MRTFA: variants seen among roughly 807,000 people sequenced by gnomAD.
MRTFA encodes myocardin related transcription factor A.
MRTFA carries 20 observed loss-of-function variants against 83.5 expected under a neutral mutation model. The observed-to-expected ratio is 0.24, with a 90% CI of 0.17 to 0.35. The LOEUF (loss-of-function observed/expected upper bound fraction) is 0.35, where lower values mean the gene tolerates loss of function less well. Ranked by LOEUF, MRTFA falls within the 10% of genes least tolerant of loss-of-function variation. The pLI, the probability that MRTFA is intolerant of heterozygous loss-of-function variation, is 1.00. For synonymous variants in MRTFA, 659 were observed against 541.2 expected (o/e 1.22, Z -3.02); for missense variants, 1,200 against 1,224.7 (o/e 0.98, Z 0.30).
At chr22:40,480,257 C>T (rs888934985) in intron 3 of MRTFA, among the ~76,000 whole-genome samples, 1 of 151,916 alleles carries the variant, frequency 6.6e-6, no homozygotes, top group African/African-American at 2.4e-5. Flanking sequence ...TAAAACACAC[C>T]AGTTCTCTGT....
At chr22:40,564,634 A>G (rs948965370) in intron 2 of MRTFA, among the ~76,000 whole-genome samples, 1 of 152,054 alleles carries the variant, frequency 6.6e-6, no homozygotes. Flanking sequence ...TAATGCTGTA[A>G]CTTTATTTTA....
At chr22:40,554,805 G>A (rs1025340028) in intron 2 of MRTFA, among the ~76,000 whole-genome samples, 20 of 152,174 alleles carry the variant, frequency 1.3e-4, no homozygotes, top group African/African-American at 4.6e-4. Flanking sequence ...CCAGACCCCC[G>A]AATGGTAGAG....
intron 3 of MRTFA, among the ~76,000 whole-genome samples, chr22:40,470,276 T>TATATATATATATATAA (rs1164339704): frequency 1.0e-5 from 1 of 99,290 alleles, no homozygotes; most frequent in Non-Finnish European, 2.1e-5. Flanking sequence ...TATATATATA[T>TATATATATATATATAA]ATATAAAGAA....
At chr22:40,427,567 C>T (rs1159062195) in intron 7 of MRTFA, among the ~76,000 whole-genome samples, 1 of 152,170 alleles carries the variant, frequency 6.6e-6, no homozygotes, top group Admixed American at 6.5e-5. Context: ...CTTGGGCCCA[C>T]TGCAGCGAAG....
chr22:40,636,033 A>C (rs1312476295), intron 1 of MRTFA, among the ~76,000 whole-genome samples: 3 of 152,182 alleles, frequency 2.0e-5, no homozygotes, highest in Non-Finnish European at 4.4e-5. Context: ...GGTTTGCTAT[A>C]CTGGCACCAA....
At chr22:40,586,728 G>A (rs2147369139) in intron 2 of MRTFA, 1 of 284,822 alleles carries the variant, frequency 3.5e-6, no homozygotes, top group Non-Finnish European at 6.8e-6. Flanking sequence ...TTCCTCTGTG[G>A]TAGGTTTTTT....
At chr22:40,550,822 A>C (rs1005091248) in intron 3 of MRTFA, among the ~76,000 whole-genome samples, 3 of 150,204 alleles carry the variant, frequency 2.0e-5, no homozygotes, top group Non-Finnish European at 3.0e-5. Context: ...ACAATTTTCT[A>C]TATTGTTCTT....
intron 2 of MRTFA, chr22:40,587,135 T>C (rs2056042911): frequency 4.4e-6 from 2 of 457,184 alleles, no homozygotes; most frequent in Non-Finnish European, 8.9e-6. Context: ...TCTGGGCTTT[T>C]CAAGATTCTG....
At chr22:40,612,539 C>A (rs796993548) in intron 1 of MRTFA, among the ~76,000 whole-genome samples, 7 of 152,212 alleles carry the variant, frequency 4.6e-5, no homozygotes, top group African/African-American at 1.7e-4. Context: ...ACTTTTTAAT[C>A]AACTTTGAAG....
chr22:40,621,044 G>A (rs1278414150), intron 1 of MRTFA, among the ~76,000 whole-genome samples: 1 of 152,002 alleles, frequency 6.6e-6, no homozygotes, highest in Non-Finnish European at 1.5e-5. Flanking sequence ...AGCCAAGTCT[G>A]GTGGTGCATG....
rs181767609 is a variant in MRTFA, at chr22:40,634,644, G to T, written c.-84+1834C>A. On this transcript the variant is annotated intron_variant, in intron 1 of 14. Transcript: ENST00000355630. ...GGACCATATCTCACTTATCTTGACA[G>T]CCCCAGCCCTTAGAAAAACACCTGG... Among the ~76,000 whole-genome samples the T allele has an allele frequency of 7.2e-3, 1,098 of 152,238 alleles. 9 individuals carry two copies. Among genetic ancestry groups the T allele is most frequent in the Non-Finnish European group, 0.012 (830 of 68,010 alleles).
chr22:40,440,012 T>C (rs1468777912), intron 4 of MRTFA: 2 of 156,590 alleles, frequency 1.3e-5, no homozygotes, highest in South Asian at 3.0e-4. Context: ...ATTAGCTGGG[T>C]GTGGTGGCGG....
chr22:40,444,552 AGAAAAACAATTT>A (rs1232604693), intron 4 of MRTFA, among the ~76,000 whole-genome samples: 1 of 152,228 alleles, frequency 6.6e-6, no homozygotes, highest in African/African-American at 2.4e-5. Flanking sequence ...TTACAGTCAG[AGAAAAACAATTT>A]GAATGACAGC....
chr22:40,459,830 CATATATATATATATATATATATATAT>C (rs55885079), intron 4 of MRTFA, among the ~76,000 whole-genome samples: 1 of 86,952 alleles, frequency 1.2e-5, no homozygotes, highest in African/African-American at 4.9e-5. Context: ...CACATATATA[CATATATATATATATATATATATATAT>C]ATATATACAC....
Position 40,477,175 on chromosome 22 carries a change from CAAAAAAA to C in MRTFA, c.242-13896_242-13890del, listed in dbSNP as rs55932110. On this transcript the variant is annotated intron_variant, in intron 3 of 14. Coordinates refer to ENST00000355630, the MANE Select transcript of MRTFA (RefSeq NM_020831.6). ...TGAAACCCTGTCTCTACTAAAAATA[CAAAAAAA>C]AAAAAAAAAAAAAAAAAAATAGCCG... Among the ~76,000 whole-genome samples the C allele has an allele frequency of 4.9e-3, 295 of 59,620 alleles. 1 individual carries two copies. Among genetic ancestry groups the C allele is most frequent in the African/African-American group, 0.016 (261 of 16,024 alleles). 39.1% of individuals were successfully genotyped at this position (59,620 alleles called of 152,430 possible).
At chr22:40,548,546 A>T (rs1381119723) in intron 3 of MRTFA, among the ~76,000 whole-genome samples, 1 of 151,838 alleles carries the variant, frequency 6.6e-6, no homozygotes, top group Non-Finnish European at 1.5e-5. Flanking sequence ...CCAGCATGGG[A>T]CAGAAAATAT....
chr22:40,615,363 G>A (rs1044187736), intron 1 of MRTFA, among the ~76,000 whole-genome samples: 9 of 152,154 alleles, frequency 5.9e-5, no homozygotes, highest in African/African-American at 2.2e-4. Flanking sequence ...ATACTGCATT[G>A]TCTTGATTAC....
At chr22:40,570,044 A>T (rs2055766355) in intron 2 of MRTFA, 1 of 152,600 alleles carries the variant, frequency 6.6e-6, no homozygotes, top group South Asian at 2.1e-4. Flanking sequence ...AGAAAACTGC[A>T]GCAGCAGGGA....
chr22:40,560,380 C>G (rs186155049), intron 2 of MRTFA, among the ~76,000 whole-genome samples: 72 of 152,292 alleles, frequency 4.7e-4, no homozygotes, highest in Non-Finnish European at 8.5e-4. Flanking sequence ...CAAGCACTGA[C>G]AAAAGACTAA....
Sources: allele counts gnomAD v4.1 joint callset (sites outside exome capture counted in the v4.1 genomes callset), GRCh38; gene constraint gnomAD v4.1.1; transcripts MANE v1.5; gene names NCBI Gene and HGNC (gene_info 2026-07-23, HGNC 2026-07-21).